Variants in REPS2 observed in about 807,000 individuals in gnomAD.
REPS2 encodes the protein RALBP1 associated Eps domain containing 2, also known as ralBP1-associated Eps domain-containing protein 2.
A neutral mutation model predicts 53.6 loss-of-function variants in REPS2; 23 were observed. The observed-to-expected ratio is 0.43, with a 90% CI of 0.31 to 0.61. REPS2 has a LOEUF of 0.61. Ranked by LOEUF, REPS2 falls within the 20% of genes least tolerant of loss-of-function variation. REPS2 has a pLI of 0.11. For synonymous variants in REPS2, 238 were observed against 218.6 expected, an observed-to-expected ratio of 1.09 and a Z score of -0.78; for missense variants, 446 against 534.9, an observed-to-expected ratio of 0.83 and a Z score of 1.64.
chrX:16,992,430 T>A (rs1233002600), intron 1 of REPS2, among the ~76,000 whole-genome samples: 2 of 112,135 alleles, frequency 1.8e-5, no homozygotes, highest in Non-Finnish European at 3.8e-5. Flanking sequence ...TGGAGTATTT[T>A]AAAAAATGGG....
chrX:17,024,145 C>A (rs1230022784), intron 3 of REPS2, among the ~76,000 whole-genome samples: 1 of 106,115 alleles, frequency 9.4e-6, no homozygotes, highest in Non-Finnish European at 1.9e-5. Context: ...AAAAAATTAG[C>A]TGTGTGTGGT....
chrX:17,122,643 C>G (rs1208178878), intron 14 of REPS2, among the ~76,000 whole-genome samples: 1 of 112,315 alleles, frequency 8.9e-6, no homozygotes, highest in Non-Finnish European at 1.9e-5. Context: ...TACTGATTTA[C>G]ACTCCATTAA....
At chrX:17,122,839 AC>A (rs1265678690) in intron 14 of REPS2, among the ~76,000 whole-genome samples, 1 of 112,144 alleles carries the variant, frequency 8.9e-6, no homozygotes. Flanking sequence ...CCAAAAGGGG[AC>A]ATTTATCACA....
intron 14 of REPS2, among the ~76,000 whole-genome samples, chrX:17,104,326 A>G (rs2062845133): frequency 8.9e-6 from 1 of 111,983 alleles, no homozygotes; most frequent in Non-Finnish European, 1.9e-5. Context: ...CCCTAAATTA[A>G]TTCTGCCTTA....
At chrX:16,997,161 C>G (rs1433173722) in intron 1 of REPS2, among the ~76,000 whole-genome samples, 1 of 112,156 alleles carries the variant, frequency 8.9e-6, no homozygotes, top group Admixed American at 9.4e-5. Context: ...TATGCAGAGC[C>G]TCGAAACCTG....
intron 1 of REPS2, among the ~76,000 whole-genome samples, chrX:16,980,652 A>G (rs893515855): frequency 1.8e-5 from 2 of 112,477 alleles, no homozygotes; most frequent in African/African-American, 6.5e-5. Flanking sequence ...ATGTATCACT[A>G]TATCACAAAT....
intron 1 of REPS2, among the ~76,000 whole-genome samples, chrX:16,965,022 C>A (rs1226109250): frequency 1.8e-5 from 1 of 56,315 alleles, no homozygotes; most frequent in African/African-American, 7.4e-5. Context: ...CCGGACGGGG[C>A]GGCTGGCCGG....
At chrX:17,107,470 G>C (rs2062889672) in intron 14 of REPS2, among the ~76,000 whole-genome samples, 2 of 112,078 alleles carry the variant, frequency 1.8e-5, no homozygotes, top group Non-Finnish European at 3.8e-5. Context: ...TTGTACATTT[G>C]CAATATGCAT....
chrX:17,195,440 T>C, the REPS2 span, among the ~76,000 whole-genome samples: 1 of 112,021 alleles, frequency 8.9e-6, no homozygotes, highest in Admixed American at 9.5e-5. Flanking sequence ...AGTCTAATGG[T>C]AAAATGTTGA....
intron 13 of REPS2, among the ~76,000 whole-genome samples, chrX:17,080,660 A>G (rs1183479238): frequency 8.9e-6 from 1 of 111,986 alleles, no homozygotes; most frequent in African/African-American, 3.3e-5. Context: ...GTGTTTCCTC[A>G]CAATCTTGCC....
the REPS2 span, among the ~76,000 whole-genome samples, chrX:17,163,020 T>C: frequency 8.9e-6 from 1 of 111,923 alleles, no homozygotes; most frequent in Non-Finnish European, 1.9e-5. Context: ...CAATAGAAAT[T>C]GTTCTTGAGG....
At chrX:17,032,515 C>G (rs1015636281) in intron 5 of REPS2, among the ~76,000 whole-genome samples, 1 of 111,605 alleles carries the variant, frequency 9.0e-6, no homozygotes, top group African/African-American at 3.3e-5. Context: ...AAATGCCAAC[C>G]TGGATTAGTC....
chrX:17,025,932 C>T (rs1191583458), intron 4 of REPS2, among the ~76,000 whole-genome samples: 2 of 111,217 alleles, frequency 1.8e-5, no homozygotes, highest in African/African-American at 6.5e-5. Context: ...TCTGTAAACC[C>T]CCACCCCCCC....
chrX:17,124,343 T>G (rs1263650930), intron 14 of REPS2, among the ~76,000 whole-genome samples: 2 of 112,433 alleles, frequency 1.8e-5, no homozygotes, highest in African/African-American at 6.5e-5. Context: ...GCAAGACAGA[T>G]CCTGCCCTCC....
At chrX:17,190,239 T>C in the REPS2 span, among the ~76,000 whole-genome samples, 1 of 112,308 alleles carries the variant, frequency 8.9e-6, no homozygotes, top group Non-Finnish European at 1.9e-5. Flanking sequence ...TGGAAAATCC[T>C]AAAGAATCTA....
intron 6 of REPS2, among the ~76,000 whole-genome samples, chrX:17,050,137 T>TTCCTTC (rs1569148159): frequency 0.012 from 586 of 48,807 alleles, 27 homozygotes; most frequent in African/African-American, 0.037. Context: ...TTTCTTCCTT[T>TTCCTTC]CTTCCTTTCT....
Position 16,947,129 on chromosome X carries a change from C to A in REPS2, c.268C>A (p.His90Asn). 1 of 1,085,568 alleles carries A rather than the reference C, an allele frequency of 9.2e-7. No individual in the cohort carries two copies. The highest frequency in any genetic ancestry group is 1.2e-6 in the Non-Finnish European group (1 of 838,038). 89.5% of individuals were successfully genotyped at this position (1,085,568 alleles called of 1,213,427 possible). A position where few individuals can be genotyped will look rare whatever the true frequency, so the allele number is the denominator to read the frequency against. ...ATCGCAGCTGCCCGCCGAGACGCTG[C>A]ACCAGGTGGGTCCCTCCGCCTCCTG... ...RASQLPAETL[H>N]QITELCGAKR... Residue 90 changes from histidine (H) to asparagine (N), a missense_variant, in exon 1 of 18, where the codon CAC (histidine) becomes AAC (asparagine). His to Asn is a moderately conservative substitution (Grantham distance 68, BLOSUM62 1). Coordinates refer to ENST00000357277, the MANE Select transcript of REPS2 (RefSeq NM_004726.3).
chrX:17,168,795 T>C, the REPS2 span, among the ~76,000 whole-genome samples: 7 of 112,025 alleles, frequency 6.2e-5, no homozygotes, highest in East Asian at 2.0e-3. Context: ...AGGCACGTTG[T>C]AGAGAAGGCA....
At chrX:17,130,097 C>G (rs1334469549) in intron 14 of REPS2, among the ~76,000 whole-genome samples, 1 of 112,085 alleles carries the variant, frequency 8.9e-6, no homozygotes, top group Non-Finnish European at 1.9e-5. Flanking sequence ...ACAGGAGGCC[C>G]TGCATTCAGG....
Sources: gnomAD v4.1 joint callset for allele counts (sites outside exome capture counted in the v4.1 genomes callset) on GRCh38, gnomAD v4.1.1 for gene constraint, MANE v1.5 for transcripts, NCBI Gene and HGNC (gene_info 2026-07-23, HGNC 2026-07-21) for gene names.